The following THUMPD2 variants were observed in gnomAD, a reference collection of about 807,000 sequenced individuals.
THUMPD2 encodes the protein THUMP domain 2 tRNA and snRNA guanosine methyltransferase.
THUMPD2 carries 56 observed loss-of-function variants against 49.4 expected under a neutral mutation model. The ratio of observed to expected loss-of-function variants is 1.13; its 90% CI spans 0.91 to 1.41. The LOEUF (loss-of-function observed/expected upper bound fraction) is 1.41, where lower values mean the gene tolerates loss of function less well. Among genes scored for constraint, THUMPD2 ranks in the 40% most tolerant of loss-of-function variants. The pLI is 0.00. For synonymous variants in THUMPD2, 237 were observed against 205.2 expected (o/e 1.15, Z -1.32); for missense variants, 709 against 594.5 (o/e 1.19, Z -2.00).
chr2:39,737,811 G>C (rs1174108760), intron 9 of THUMPD2, among the ~76,000 whole-genome samples: 3 of 152,200 alleles, frequency 2.0e-5, no homozygotes, highest in Non-Finnish European at 4.4e-5. Flanking sequence ...GCTGCAGCAA[G>C]GGAGGGTGCT....
intron 6 of THUMPD2, among the ~76,000 whole-genome samples, chr2:39,758,951 T>C (rs1425911757): frequency 6.6e-6 from 1 of 152,172 alleles, no homozygotes; most frequent in Non-Finnish European, 1.5e-5. Flanking sequence ...CACACATACC[T>C]TTTGAAGCTA....
chr2:39,779,049 G>T, intron 1 of THUMPD2, 65 bp downstream of exon 1: 1 of 1,388,372 alleles, frequency 7.2e-7, no homozygotes, highest in Non-Finnish European at 9.3e-7. Flanking sequence ...GTCCACGACT[G>T]GGGTGGGCAA....
intron 5 of THUMPD2, 121 bp downstream of exon 5, chr2:39,765,936 A>G: frequency 1.3e-6 from 1 of 789,504 alleles, no homozygotes. Flanking sequence ...AAAGAATTCA[A>G]ATGCTTTGCC....
intron 3 of THUMPD2, chr2:39,769,160 A>G (rs1677957614): frequency 2.6e-6 from 3 of 1,169,758 alleles, no homozygotes; most frequent in Admixed American, 2.6e-5. Flanking sequence ...GCTGAGGACT[A>G]TGGTATCAGG....
chr2:39,744,530 A>G, intron 8 of THUMPD2, 52 bp from the exon 9 acceptor site: 2 of 1,172,188 alleles, frequency 1.7e-6, no homozygotes, highest in Non-Finnish European at 2.4e-6. Flanking sequence ...AATATTTACA[A>G]CTTAAATAAT....
chr2:39,768,834 A>G, intron 3 of THUMPD2: 1 of 1,151,008 alleles, frequency 8.7e-7, no homozygotes, highest in Non-Finnish European at 1.1e-6. Flanking sequence ...AAGCTGAAAG[A>G]TTAACTATGT....
chr2:39,744,730 TA>T (rs545640510), intron 8 of THUMPD2: 37 of 260,338 alleles, frequency 1.4e-4, no homozygotes, highest in African/African-American at 7.8e-4. Flanking sequence ...AGCAGAATTT[TA>T]CATTAGCCAG....
At chr2:39,749,793 C>G (rs569766843) in intron 8 of THUMPD2, among the ~76,000 whole-genome samples, 1 of 151,592 alleles carries the variant, frequency 6.6e-6, no homozygotes, top group African/African-American at 2.4e-5. Context: ...TGTGTGTTGT[C>G]CCCCAACCAC....
chr2:39,746,697 C>T (rs1034436675), intron 8 of THUMPD2, among the ~76,000 whole-genome samples: 1 of 151,962 alleles, frequency 6.6e-6, no homozygotes, highest in African/African-American at 2.4e-5. Flanking sequence ...CCTATTTTTC[C>T]TACTTCCAGG....
chr2:39,755,871 C>G lies in THUMPD2; in HGVS notation c.963+18G>C, dbSNP rs777576324. 6.2e-7 allele frequency: 1 copy of G among 1,612,418 alleles called. No individual in the cohort carries two copies. Among genetic ancestry groups the G allele is most frequent in the South Asian group, 1.1e-5 (1 of 91,032 alleles). ...TAAAGTAGATAAATTGCTTGCTTTA[C>G]CAAACTTTAGAACTTACTGGCCATT... On this transcript the variant is annotated intron_variant, in intron 7 of 9. Transcript: ENST00000505747.
chr2:39,736,746 A>T lies in THUMPD2; in HGVS notation c.1501T>A (p.Ser501Thr). Residue 501 changes from serine to threonine, a missense_variant, in exon 10 of 10, where the codon TCT becomes ACT. Transcript: ENST00000505747. ...TGGCAGCAAGCCTGCTACAGTCCAGAAGAGTGCGACTTCTTATATTTACAT... is the reference window on the plus strand; with the variant it reads ...TGGCAGCAAGCCTGCTACAGTCCAGTAGAGTGCGACTTCTTATATTTACAT... ...FICKYKKSHS[S>T]GL The T allele has an allele frequency of 6.2e-7, 1 of 1,613,720 alleles. No individual in the cohort carries two copies. The highest frequency in any genetic ancestry group is 8.5e-7 in the Non-Finnish European group (1 of 1,179,776).
chr2:39,766,056 C>G lies in THUMPD2; in HGVS notation c.803+1G>C. 1 of 1,579,710 alleles carries G rather than the reference C, an allele frequency of 6.3e-7. No homozygotes were observed. Among genetic ancestry groups the G allele is most frequent in the Non-Finnish European group, 8.6e-7 (1 of 1,167,764 alleles). ...ACAAACCGGAAGCTTAGAATATCTA[C>G]CTGAACACAGGAATCCCCACCACAG... On this transcript the variant is annotated splice_donor_variant, in intron 5 of 9. Coordinates refer to ENST00000505747, the MANE Select transcript of THUMPD2 (RefSeq NM_025264.5). LOFTEE classifies it high-confidence loss of function.
intron 1 of THUMPD2, among the ~76,000 whole-genome samples, chr2:39,772,176 A>G (rs905689680): frequency 1.3e-5 from 2 of 152,230 alleles, no homozygotes; most frequent in African/African-American, 2.4e-5. Flanking sequence ...CTAACAAAAG[A>G]ACAAGGGGCA....
chr2:39,737,206 T>G (rs2148140290), intron 9 of THUMPD2, 147 bp from the exon 10 acceptor site: 2 of 701,066 alleles, frequency 2.9e-6, no homozygotes, highest in Middle Eastern at 4.1e-4. Flanking sequence ...AGGTAGTATC[T>G]TCTATAATGT....
chr2:39,777,815 C>T (rs1028246134), intron 1 of THUMPD2, among the ~76,000 whole-genome samples: 6 of 152,152 alleles, frequency 3.9e-5, no homozygotes, highest in African/African-American at 1.4e-4. Context: ...ATAAAGTTTT[C>T]CCCATTTCAT....
intron 6 of THUMPD2, among the ~76,000 whole-genome samples, chr2:39,759,184 G>T (rs1322741551): frequency 6.6e-6 from 1 of 151,904 alleles, no homozygotes; most frequent in African/African-American, 2.4e-5. Flanking sequence ...AAAGAGAGTA[G>T]TTTAAAGTTA....
chr2:39,776,216 T>C (rs573583287), intron 1 of THUMPD2, among the ~76,000 whole-genome samples: 1 of 152,266 alleles, frequency 6.6e-6, no homozygotes, highest in South Asian at 2.1e-4. Flanking sequence ...GATATGTAAA[T>C]TAAATATTTA....
intron 2 of THUMPD2, 53 bp downstream of exon 2, chr2:39,771,452 G>T: frequency 1.3e-6 from 2 of 1,514,882 alleles, no homozygotes; most frequent in Non-Finnish European, 1.8e-6. Flanking sequence ...AGAAAATGTT[G>T]GAGTACAATG....
chr2:39,768,303 G>T, intron 4 of THUMPD2, 121 bp downstream of exon 4: 2 of 794,280 alleles, frequency 2.5e-6, no homozygotes, highest in South Asian at 3.3e-5. Context: ...TGGACTGTTG[G>T]ATCCCTGTAG....
Sources: gnomAD v4.1 joint callset for allele counts (sites outside exome capture counted in the v4.1 genomes callset) on GRCh38, gnomAD v4.1.1 for gene constraint, MANE v1.5 for transcripts, NCBI Gene and HGNC (gene_info 2026-07-23, HGNC 2026-07-21) for gene names.